The following SMG1 variants were observed in gnomAD, a reference collection of about 807,000 sequenced individuals.
SMG1 encodes SMG1 nonsense mediated mRNA decay associated PI3K related kinase, also known as serine/threonine-protein kinase SMG1.
Under a neutral mutation model 419.9 loss-of-function variants are expected in SMG1, and 22 were observed. The ratio of observed to expected loss-of-function variants is 0.05; its 90% confidence interval spans 0.04 to 0.07. SMG1 has a LOEUF of 0.07. Among genes scored for constraint, SMG1 ranks in the 10% least tolerant of loss-of-function variants. The pLI, the probability that SMG1 is intolerant of heterozygous loss-of-function variation, is 1.00. For missense variants in SMG1, 3,185 were observed against 4,342.0 expected, an observed-to-expected ratio of 0.73 and a Z score of 7.49; for synonymous variants, 1,538 against 1,553.5, an observed-to-expected ratio of 0.99 and a Z score of 0.23.
chr16:18,809,629 C>T lies in SMG1; in HGVS notation c.10926G>A (p.Lys3642=), dbSNP rs1055455911. 1.2e-6 allele frequency: 2 copies of T among 1,607,042 alleles called. No homozygotes were observed. The highest frequency in any genetic ancestry group is 1.7e-6 in the Non-Finnish European group (2 of 1,176,422). Residue 3642 remains lysine (K), a synonymous_variant, in exon 63 of 63, where the codon AAG becomes AAA. Transcript: ENST00000446231. ...CCAAGTTATCTAGATTAGTTGCTTC[C>T]TTAATGACATAGTCAACCTGTAAAA... ...SVAEQVDYVI[K]EATNLDNLAQ...
At chr16:18,897,598 T>C (rs1158278372) in intron 1 of SMG1, among the ~76,000 whole-genome samples, 1 of 152,130 alleles carries the variant, frequency 6.6e-6, no homozygotes, top group East Asian at 1.9e-4. Context: ...TATCAGAAAG[T>C]TGTAGTTCAT....
At chr16:18,901,491 A>G (rs2037344679) in intron 1 of SMG1, among the ~76,000 whole-genome samples, 1 of 152,194 alleles carries the variant, frequency 6.6e-6, no homozygotes, top group African/African-American at 2.4e-5. Flanking sequence ...TAGGATTAGA[A>G]GCATGAGTGA....
chr16:18,852,649 TTGAAA>T (rs1307527629), intron 31 of SMG1, among the ~76,000 whole-genome samples, 187 bp from the exon 32 acceptor site: 2 of 152,244 alleles, frequency 1.3e-5, no homozygotes, highest in African/African-American at 2.4e-5. Context: ...GGTTGGTATG[TTGAAA>T]TGAATTCATT....
intron 56 of SMG1, among the ~76,000 whole-genome samples, chr16:18,817,896 G>A (rs574719324): frequency 3.3e-5 from 5 of 151,950 alleles, no homozygotes; most frequent in Non-Finnish European, 1.5e-5. Flanking sequence ...TAATATTGTG[G>A]TTAGTTTTTT....
At position 18,845,443 on chromosome 16, in the gene SMG1, T is replaced by C; in HGVS notation, c.6205A>G (p.Ile2069Val). 1 of 1,613,872 alleles carries C rather than the reference T, an allele frequency of 6.2e-7. No homozygotes were observed. ...TTATTCTGTACCTCTTTAAATGGAATCCAGCTGCTCCCAGGCTTTGCAGGG... is the reference window on the plus strand; with the variant it reads ...TTATTCTGTACCTCTTTAAATGGAACCCAGCTGCTCCCAGGCTTTGCAGGG... Reference protein sequence around the residue: ...LNPAKPGSSWIPFKEIMLSLQ... With the variant: ...LNPAKPGSSWVPFKEIMLSLQ... The change falls in exon 39 of 63, where the codon ATT becomes GTT. Residue 2069 changes from isoleucine to valine, a missense_variant. Physicochemically the swap from Ile to Val is conservative, Grantham distance 29. Transcript: ENST00000446231.
rs768757391 is a variant in SMG1, at chr16:18,869,848, C to T, written c.2633+6G>A. The T allele has an allele frequency of 4.4e-6, 7 of 1,583,032 alleles. No individual in the cohort carries two copies. Among genetic ancestry groups the T allele is most frequent in the East Asian group, 2.2e-5 (1 of 44,652 alleles). On this transcript the variant is annotated splice_donor_region_variant and intron_variant, in intron 19 of 62. Transcript: ENST00000446231. Reference sequence around the variant, plus strand: ...CCCAGATAAAAGAGTCAAAGAAATGCCTTACCCTGTTCTATGAGAGTTCCC... The same window carrying T: ...CCCAGATAAAAGAGTCAAAGAAATGTCTTACCCTGTTCTATGAGAGTTCCC...
intron 27 of SMG1, 165 bp from the exon 28 acceptor site, chr16:18,859,346 C>T: frequency 1.5e-6 from 1 of 670,782 alleles, no homozygotes; most frequent in Admixed American, 3.0e-5. Context: ...AAGACATTTG[C>T]TTTTGGGGAT....
intron 22 of SMG1, 25 bp from the exon 23 acceptor site, chr16:18,866,800 G>C (rs2035536270): frequency 6.3e-7 from 1 of 1,589,054 alleles, no homozygotes; most frequent in Non-Finnish European, 8.5e-7. Context: ...AGAAAAATTA[G>C]TCACCCAATA....
chr16:18,809,348 C>T lies in SMG1; in HGVS notation c.*221G>A. The T allele has an allele frequency of 1.9e-6, 1 of 533,522 alleles. No individual in the cohort carries two copies. The highest frequency in any genetic ancestry group is 3.5e-6 in the Non-Finnish European group (1 of 286,642). 33.0% of individuals were successfully genotyped at this position (533,522 alleles called of 1,614,324 possible). ...CAGGCGGTGAGCTTGCTTTCCTTCA[C>T]CCTTGACCCTGGGGTTGCAGGCCAT... On this transcript the variant is annotated 3_prime_UTR_variant, in exon 63 of 63. Coordinates refer to ENST00000446231, the MANE Select transcript of SMG1 (RefSeq NM_015092.5).
chr16:18,858,850 G>GC, intron 28 of SMG1, 172 bp downstream of exon 28: 1 of 540,496 alleles, frequency 1.9e-6, no homozygotes, highest in East Asian at 3.3e-5. Context: ...TCTTCCATCT[G>GC]CCCCATGTAC....
rs550653444 is a variant in SMG1 at position 18,906,501 on chromosome 16, G to C, written c.93-9545C>G. On this transcript the variant is annotated intron_variant, in intron 1 of 62. Transcript: ENST00000446231. ...GAAACTCCGTCTCGGGGTGGGGTGG[G>C]GAAGATACCATAAAATACCTGCACC... is the stretch of plus-strand genomic sequence containing the variant. Among the ~76,000 whole-genome samples, 7 of 152,062 alleles carry C rather than the reference G, an allele frequency of 4.6e-5. No homozygotes were observed. In the East Asian group the frequency reaches 1.2e-3, roughly 25 times the overall value.
intron 1 of SMG1, among the ~76,000 whole-genome samples, chr16:18,916,855 A>G (rs1273773084): frequency 6.6e-6 from 1 of 152,112 alleles, no homozygotes; most frequent in Non-Finnish European, 1.5e-5. Flanking sequence ...CAATGAAAGG[A>G]GCCTCAGGGA....
At chr16:18,853,310 A>G (rs2034702641) in intron 31 of SMG1, among the ~76,000 whole-genome samples, 1 of 152,168 alleles carries the variant, frequency 6.6e-6, no homozygotes, top group African/African-American at 2.4e-5. Context: ...TTCTATTGTG[A>G]GGTGAAATTT....
chr16:18,899,855 C>G (rs1405521549), intron 1 of SMG1: 1 of 640,484 alleles, frequency 1.6e-6, no homozygotes, highest in African/African-American at 1.8e-5. Context: ...AATACCTCTA[C>G]AGCCCCTTTA....
chr16:18,882,944 A>G (rs2036463387), intron 9 of SMG1, among the ~76,000 whole-genome samples: 1 of 152,258 alleles, frequency 6.6e-6, no homozygotes, highest in African/African-American at 2.4e-5. Flanking sequence ...GCATCTCTAC[A>G]AACTAGAATG....
chr16:18,837,985 C>A (rs374738089), intron 45 of SMG1, 29 bp downstream of exon 45: 1 of 1,605,170 alleles, frequency 6.2e-7, no homozygotes, highest in Non-Finnish European at 8.5e-7. Context: ...AAAAAGAAGA[C>A]AATGACTTAT....
chr16:18,858,785 C>G, intron 28 of SMG1: 1 of 400,008 alleles, frequency 2.5e-6, no homozygotes. Flanking sequence ...ACCTCCCACC[C>G]CGAAATTAGA....
intron 48 of SMG1, 49 bp from the exon 49 acceptor site, chr16:18,835,213 C>A (rs1184775971): frequency 1.1e-5 from 17 of 1,535,558 alleles, no homozygotes; most frequent in Non-Finnish European, 1.4e-5. Flanking sequence ...CCACCCCCAA[C>A]ATACAAAAGA....
intron 58 of SMG1, chr16:18,816,039 A>G (rs1189199330): frequency 8.0e-6 from 4 of 499,604 alleles, no homozygotes; most frequent in African/African-American, 3.9e-5. Context: ...GACTAGGTTC[A>G]TATCTTGGTT....
Sources: gnomAD v4.1 joint callset for allele counts (sites outside exome capture counted in the v4.1 genomes callset) on GRCh38, gnomAD v4.1.1 for gene constraint, MANE v1.5 for transcripts, NCBI Gene and HGNC (gene_info 2026-07-23, HGNC 2026-07-21) for gene names.